Variants in POC1B observed in about 807,000 individuals in gnomAD.
POC1B encodes the protein POC1 centriolar protein homolog B.
Under a neutral mutation model 60.6 loss-of-function variants are expected in POC1B, and 44 were observed. The ratio of observed to expected loss-of-function variants is 0.73; its 90% confidence interval spans 0.57 to 0.93. The LOEUF is 0.93. Among genes scored for constraint, POC1B ranks in the 40% least tolerant of loss-of-function variants. The pLI is 0.00. For synonymous variants in POC1B, 180 were observed against 198.9 expected (o/e 0.90, Z 0.80); for missense variants, 555 against 572.3 (o/e 0.97, Z 0.31).
At chr12:89,525,556 T>C (rs1286463938) in intron 1 of POC1B, 4 of 1,290,028 alleles carry the variant, frequency 3.1e-6, no homozygotes, top group Non-Finnish European at 3.9e-6. Flanking sequence ...TGGTACTTTT[T>C]TTTTTTTTAA....
At chr12:89,487,864 A>G (rs1868722968) in intron 4 of POC1B, among the ~76,000 whole-genome samples, 1 of 152,026 alleles carries the variant, frequency 6.6e-6, no homozygotes, top group South Asian at 2.1e-4. Context: ...ATCTTGTTCA[A>G]TTCTCACTTA....
the POC1B span, among the ~76,000 whole-genome samples, chr12:89,412,671 C>T: frequency 9.4e-6 from 1 of 106,394 alleles, no homozygotes; most frequent in African/African-American, 4.2e-5. Flanking sequence ...AGTAAGACTC[C>T]GTCTCAAAAA....
At chr12:89,493,022 A>C (rs185305236) in intron 3 of POC1B, among the ~76,000 whole-genome samples, 1 of 152,282 alleles carries the variant, frequency 6.6e-6, no homozygotes, top group Non-Finnish European at 1.5e-5. Context: ...TAAATGTGTC[A>C]CTGGCTCTTC....
At chr12:89,459,761 T>C (rs753910806) in intron 9 of POC1B, 43 bp from the exon 10 acceptor site, 15 of 1,148,162 alleles carry the variant, frequency 1.3e-5, no homozygotes, top group Non-Finnish European at 1.8e-5. Flanking sequence ...TTTCATACCA[T>C]AAGAAACCAA....
intron 10 of POC1B, chr12:89,427,711 A>G (rs1880830890): frequency 6.6e-6 from 1 of 152,216 alleles, no homozygotes; most frequent in East Asian, 1.9e-4. Flanking sequence ...TCTTAAAAAC[A>G]AAACAAAACA....
chr12:89,516,746 A>ACT (rs1363886303), intron 2 of POC1B, among the ~76,000 whole-genome samples: 1 of 151,838 alleles, frequency 6.6e-6, no homozygotes. Context: ...GCCGGGCCAC[A>ACT]CTCTCTCCAA....
At chr12:89,438,880 T>C (rs1272765867) in intron 10 of POC1B, among the ~76,000 whole-genome samples, 3 of 152,224 alleles carry the variant, frequency 2.0e-5, no homozygotes, top group Admixed American at 1.3e-4. Flanking sequence ...TGATAGGTAC[T>C]CCTGGAGGTT....
chr12:89,426,596 G>C (rs1880774149), intron 10 of POC1B: 1 of 152,224 alleles, frequency 6.6e-6, no homozygotes, highest in South Asian at 2.1e-4. Context: ...GGGAGGCCAA[G>C]GTGGGCGGAT....
At chr12:89,407,936 G>A in the POC1B span, among the ~76,000 whole-genome samples, 8 of 152,150 alleles carry the variant, frequency 5.3e-5, no homozygotes, top group South Asian at 2.1e-4. Context: ...AGGTATTTCC[G>A]CTAATGCTAT....
At chr12:89,518,383 T>G (rs909246649) in intron 2 of POC1B, among the ~76,000 whole-genome samples, 39 of 152,364 alleles carry the variant, frequency 2.6e-4, no homozygotes, top group African/African-American at 8.9e-4. Context: ...TTATTAATAC[T>G]AAATACTACT....
chr12:89,433,572 T>G (rs991110822), intron 10 of POC1B, among the ~76,000 whole-genome samples: 9 of 152,090 alleles, frequency 5.9e-5, no homozygotes, highest in Non-Finnish European at 1.2e-4. Context: ...GACCACAGAA[T>G]GTAAGTTGGG....
intron 2 of POC1B, 113 bp from the exon 3 acceptor site, chr12:89,497,455 G>A (rs1565750180): frequency 8.8e-7 from 1 of 1,142,100 alleles, no homozygotes. Context: ...TAGAGCGGCT[G>A]GAGGTTGTAA....
Position 89,502,025 on chromosome 12 carries a change from A to G in POC1B, c.101-4683T>C, listed in dbSNP as rs2085903844. The G allele has an allele frequency of 1.1e-5, 11 of 989,764 alleles. No homozygotes were observed. The Admixed American group carries it at 1.7e-4, about 15-fold the overall frequency. The allele number at this position is 989,764 out of a possible 1,614,324, so 61.3% of individuals were successfully genotyped here. A position where few individuals can be genotyped will look rare whatever the true frequency, so the allele number is the denominator to read the frequency against. ...TGTTCTAGATCTACAGGAAGCTCAAAGAATGAAGATAATATTATGACTGCA... is the reference window on the plus strand; with the variant it reads ...TGTTCTAGATCTACAGGAAGCTCAAGGAATGAAGATAATATTATGACTGCA... On this transcript the variant is annotated intron_variant, in intron 2 of 11. Coordinates refer to ENST00000313546, the MANE Select transcript of POC1B (RefSeq NM_172240.3).
rs890311569 is a variant in POC1B, at chr12:89,446,597, T to C, written c.1113+13041A>G. On this transcript the variant is annotated intron_variant, in intron 10 of 11. Transcript: ENST00000313546. Reference sequence around the variant, plus strand: ...GTGGGGAACATCACACACTGGGGCTTGTCGTGGGATGGGGAAGTGGGGAGG... The same window carrying C: ...GTGGGGAACATCACACACTGGGGCTCGTCGTGGGATGGGGAAGTGGGGAGG... 2.0e-5 allele frequency among the ~76,000 whole-genome samples: 3 copies of C among 151,994 alleles called. No individual in the cohort carries two copies. In the South Asian group the frequency reaches 6.2e-4, roughly 32 times the overall value.
chr12:89,505,860 C>G (rs1267752147), intron 2 of POC1B, among the ~76,000 whole-genome samples: 2 of 152,152 alleles, frequency 1.3e-5, no homozygotes, highest in African/African-American at 4.8e-5. Context: ...GTGGTCTGGA[C>G]TAGACTGCGA....
chr12:89,433,340 G>T (rs1051995842), intron 10 of POC1B, among the ~76,000 whole-genome samples: 2 of 152,260 alleles, frequency 1.3e-5, no homozygotes, highest in Non-Finnish European at 1.5e-5. Flanking sequence ...AGAGTGAGGG[G>T]ATAACTACTC....
intron 10 of POC1B, among the ~76,000 whole-genome samples, chr12:89,455,355 GA>G (rs1030882223): frequency 2.6e-5 from 4 of 151,944 alleles, no homozygotes; most frequent in Non-Finnish European, 5.9e-5. Flanking sequence ...AAAGAAAAAA[GA>G]AAAAAAGAAC....
chr12:89,452,808 G>C (rs967670646), intron 10 of POC1B, among the ~76,000 whole-genome samples: 42 of 151,510 alleles, frequency 2.8e-4, no homozygotes, highest in African/African-American at 8.2e-4. Flanking sequence ...AATAAACCAC[G>C]TTCCTTTAAC....
chr12:89,524,103 C>A (rs772880412), intron 2 of POC1B: 2 of 1,613,906 alleles, frequency 1.2e-6, no homozygotes, highest in South Asian at 2.2e-5. Context: ...GGAGCAAAGT[C>A]GACCAGGCTT....
Sources: gnomAD v4.1 joint callset for allele counts (sites outside exome capture counted in the v4.1 genomes callset) on GRCh38, gnomAD v4.1.1 for gene constraint, MANE v1.5 for transcripts, NCBI Gene and HGNC (gene_info 2026-07-23, HGNC 2026-07-21) for gene names.